Variants in PBXIP1 observed in about 807,000 individuals in gnomAD.
The protein encoded by PBXIP1 is pre-B-cell leukemia transcription factor-interacting protein 1.
PBXIP1 carries 73 observed loss-of-function variants against 73.7 expected under a neutral mutation model. The observed-to-expected ratio is 0.99, with a 90% CI of 0.82 to 1.20. PBXIP1 has a LOEUF of 1.20. Ranked by LOEUF, PBXIP1 falls within the 50% of genes most tolerant of loss-of-function variation. The pLI is 0.00. For synonymous variants in PBXIP1, 330 were observed against 366.9 expected (o/e 0.90, Z 1.15); for missense variants, 818 against 911.4 (o/e 0.90, Z 1.32).
At chr1:154,950,894 TAACC>T (rs1654985072) in intron 5 of PBXIP1, among the ~76,000 whole-genome samples, 1 of 152,206 alleles carries the variant, frequency 6.6e-6, no homozygotes, top group African/African-American at 2.4e-5. Context: ...ACATAGGCGG[TAACC>T]AACCATCTTC....
intron 7 of PBXIP1, 115 bp downstream of exon 7, chr1:154,947,867 T>G (rs1654882099): frequency 2.9e-6 from 4 of 1,371,964 alleles, no homozygotes; most frequent in Admixed American, 1.7e-5. Flanking sequence ...CCTGAACAGC[T>G]GACAAGGCCA....
Position 154,946,206 on chromosome 1 carries a change from A to G in PBXIP1, c.1468T>C (p.Trp490Arg), listed in dbSNP as rs780296483. Reference sequence around the variant, plus strand: ...CCAGATTCTTCCTTCTTATGTTTCCAGTGCTCAGCCTTCCGGTCTCTCTGC... The same window carrying G: ...CCAGATTCTTCCTTCTTATGTTTCCGGTGCTCAGCCTTCCGGTCTCTCTGC... ...DGQRDRKAEH[W>R]KHKKEESGRE... The change falls in exon 10 of 11, where the codon TGG becomes CGG. Residue 490 changes from tryptophan to arginine, a missense_variant. Transcript: ENST00000368463. The G allele has an allele frequency of 6.2e-7, 1 of 1,613,802 alleles. No individual in the cohort carries two copies. The highest frequency in any genetic ancestry group is 1.1e-5 in the South Asian group (1 of 91,058).
At chr1:154,953,547 G>A in intron 2 of PBXIP1, 124 bp downstream of exon 2, 1 of 638,022 alleles carries the variant, frequency 1.6e-6, no homozygotes. Context: ...TCCTCTAACA[G>A]CCAGCAGGAA....
rs1037047075 is a variant in PBXIP1, at chr1:154,947,814, C to T, written c.668-102G>A. Reference sequence around the variant, plus strand: ...GCCACCACTCCTGCTCAGGACCCACCCTGTGGCTGAGCGGTTTGGTGAGAT... The same window carrying T: ...GCCACCACTCCTGCTCAGGACCCACTCTGTGGCTGAGCGGTTTGGTGAGAT... On this transcript the variant is annotated intron_variant, in intron 7 of 10. Transcript: ENST00000368463. The T allele has an allele frequency of 3.5e-6, 5 of 1,417,730 alleles. No homozygotes were observed. In the Admixed American group the frequency reaches 5.2e-5, roughly 15 times the overall value. 87.8% of individuals were successfully genotyped at this position (1,417,730 alleles called of 1,614,324 possible). A position where few individuals can be genotyped will look rare whatever the true frequency, so the allele number is the denominator to read the frequency against.
At position 154,945,990 on chromosome 1, in the gene PBXIP1, C is replaced by T. The variant is rs761672762; in HGVS notation, c.1684G>A (p.Glu562Lys). Residue 562 changes from glutamate (E) to lysine (K), a missense_variant, in exon 10 of 11, where the codon GAA becomes AAA. Physicochemically the swap from Glu to Lys is moderately conservative, Grantham distance 56. Transcript: ENST00000368463. Reference sequence around the variant, plus strand: ...GGGTCATGGCTGTCCTTAGTCCCTTCCCTCCACCGAGGTTGCTTCTGCTTT... The same window carrying T: ...GGGTCATGGCTGTCCTTAGTCCCTTTCCTCCACCGAGGTTGCTTCTGCTTT... ...GEKQKQPRWR[E>K]GTKDSHDPLP... is the part of the protein sequence containing the mutation. 2 of 1,614,052 alleles carry T rather than the reference C, an allele frequency of 1.2e-6. No homozygotes were observed. Among genetic ancestry groups the T allele is most frequent in the East Asian group, 4.5e-5 (2 of 44,882 alleles).
chr1:154,952,339 CT>C (rs1252180903), intron 2 of PBXIP1, among the ~76,000 whole-genome samples: 3 of 152,260 alleles, frequency 2.0e-5, no homozygotes, highest in Admixed American at 2.0e-4. Flanking sequence ...TGCAGCTGCC[CT>C]CTCAACTGGA....
In PBXIP1 at chr1:154,948,199, T is replaced by C. The variant is rs1654892802; in HGVS notation, c.577A>G (p.Ile193Val). ...CCAAGGAGGCACATGTTGAGGGAGA[T>C]GCCCAGCTCCCCGCCTGCACCCTCA... ...GGEGAGGELG[I>V]SLNMCLLGAL... Residue 193 changes from isoleucine to valine, a missense_variant, in exon 6 of 11, where the codon ATC (isoleucine) becomes GTC (valine). By Grantham distance (29) the Ile-to-Val change is conservative. Coordinates refer to ENST00000368463, the MANE Select transcript of PBXIP1 (RefSeq NM_020524.4). The C allele has an allele frequency of 2.5e-6, 4 of 1,609,032 alleles. No individual in the cohort carries two copies. Among genetic ancestry groups the C allele is most frequent in the Non-Finnish European group, 3.4e-6 (4 of 1,177,170 alleles).
In PBXIP1 at chr1:154,947,081, A is replaced by G. The variant is rs1166431900; in HGVS notation, c.871-278T>C. Reference sequence around the variant, plus strand: ...TAAGGATAGCCAATGTGTGGCTCTCACAGTCTTATTTCCTGGAACAGTGTT... The same window carrying G: ...TAAGGATAGCCAATGTGTGGCTCTCGCAGTCTTATTTCCTGGAACAGTGTT... On this transcript the variant is annotated intron_variant, in intron 9 of 10. Transcript: ENST00000368463. 3 of 568,620 alleles carry G rather than the reference A, an allele frequency of 5.3e-6. No individual in the cohort carries two copies. In the East Asian group the frequency reaches 8.9e-5, roughly 17 times the overall value. The allele number at this position is 568,620 out of a possible 1,614,324, so 35.2% of individuals were successfully genotyped here.
At chr1:154,946,877 T>C in intron 9 of PBXIP1, 74 bp from the exon 10 acceptor site, 1 of 1,396,704 alleles carries the variant, frequency 7.2e-7, no homozygotes, top group East Asian at 2.4e-5. Context: ...TCTACCCCAA[T>C]TCCATTCTAT....
rs1654757187 is a variant in PBXIP1 at position 154,945,111 on chromosome 1, C to T, written c.2109G>A (p.Gly703=). 1 of 1,613,686 alleles carries T rather than the reference C, an allele frequency of 6.2e-7. No individual in the cohort carries two copies. The highest frequency in any genetic ancestry group is 2.2e-5 in the East Asian group (1 of 44,874). Residue 703 remains glycine, a synonymous_variant, in exon 11 of 11, where the codon GGG becomes GGA. Transcript: ENST00000368463. Reference sequence around the variant, plus strand: ...GGCTCTGTGAGTGCTTGTCCTTCTTCCCTGACCTGTGGGGAGGAAGAGGCC... The same window carrying T: ...GGCTCTGTGAGTGCTTGTCCTTCTTTCCTGACCTGTGGGGAGGAAGAGGCC... ...FGDKALKKRS[G]KKDKHSQSPR...
chr1:154,944,910 G>T lies in PBXIP1; in HGVS notation c.*114C>A. ...GGCTGGTGATTTTGCTCTACTGTGTGAAAGATATCTGAGGACACCAAACAA... is the reference window on the plus strand; with the variant it reads ...GGCTGGTGATTTTGCTCTACTGTGTTAAAGATATCTGAGGACACCAAACAA... On this transcript the variant is annotated 3_prime_UTR_variant, in exon 11 of 11. Coordinates refer to ENST00000368463, the MANE Select transcript of PBXIP1 (RefSeq NM_020524.4). 1 of 828,246 alleles carries T rather than the reference G, an allele frequency of 1.2e-6. No homozygotes were observed. The highest frequency in any genetic ancestry group is 2.0e-6 in the Non-Finnish European group (1 of 503,956). The allele number at this position is 828,246 out of a possible 1,614,324, so 51.3% of individuals were successfully genotyped here. A position where few individuals can be genotyped will look rare whatever the true frequency, so the allele number is the denominator to read the frequency against.
At position 154,951,573 on chromosome 1, in the gene PBXIP1, C is replaced by T. The variant is rs774244702; in HGVS notation, c.179-38G>A. ...AAAAGGCGCAGAAAAACCCACTGCC[C>T]CAGCTGAATTTCCTTTGCAGCCCTC... On this transcript the variant is annotated intron_variant, in intron 3 of 10. Coordinates refer to ENST00000368463, the MANE Select transcript of PBXIP1 (RefSeq NM_020524.4). This position sits in a 1 kb window ranked among gnomAD's most constrained non-coding sequence, Gnocchi z 4.3. 15 of 1,597,476 alleles carry T rather than the reference C, an allele frequency of 9.4e-6. No individual in the cohort carries two copies. The highest frequency in any genetic ancestry group is 1.3e-5 in the Non-Finnish European group (15 of 1,165,384).
chr1:154,952,156 C>G (rs1035495983), intron 2 of PBXIP1, among the ~76,000 whole-genome samples: 3 of 152,292 alleles, frequency 2.0e-5, no homozygotes, highest in Non-Finnish European at 4.4e-5. Flanking sequence ...AACCTGGTGC[C>G]CCGCCTCCAG....
rs1354269382 is a variant in PBXIP1 at position 154,951,375 on chromosome 1, C to T, written c.266G>A (p.Cys89Tyr). The stretch of plus-strand genomic sequence containing the variant: ...TCCTGGGCCAGGAGGCTCCACACCA[C>T]AAACATCACCTTCCAGGGTGCCCTA... ...EVKGTLEGDV[C>Y]GVEPPGPGDT... Residue 89 changes from cysteine to tyrosine, a missense_variant, in exon 5 of 11, where the codon TGT becomes TAT. Cys to Tyr is a radical substitution (Grantham distance 194, BLOSUM62 -2). Coordinates refer to ENST00000368463, the MANE Select transcript of PBXIP1 (RefSeq NM_020524.4). The surrounding 1 kb of genome is among the most constrained non-coding windows in gnomAD (Gnocchi z 4.3). 6.2e-7 allele frequency: 1 copy of T among 1,614,146 alleles called. No individual in the cohort carries two copies. Among genetic ancestry groups the T allele is most frequent in the South Asian group, 1.1e-5 (1 of 91,086 alleles).
chr1:154,945,973 G>T lies in PBXIP1; in HGVS notation c.1701C>A (p.Ser567Arg). Residue 567 changes from serine to arginine, a missense_variant, in exon 10 of 11, where the codon AGC becomes AGA. Ser to Arg is a moderately radical substitution (Grantham distance 110). Coordinates refer to ENST00000368463, the MANE Select transcript of PBXIP1 (RefSeq NM_020524.4). ...CTGCCCAGGATGGCAGGGGGTCATG[G>T]CTGTCCTTAGTCCCTTCCCTCCACC... ...QPRWREGTKDSHDPLPSWAEL... is the reference protein window; with the variant it reads ...QPRWREGTKDRHDPLPSWAEL... The T allele has an allele frequency of 6.2e-7, 1 of 1,614,030 alleles. No individual in the cohort carries two copies. The highest frequency in any genetic ancestry group is 8.5e-7 in the Non-Finnish European group (1 of 1,179,918).
chr1:154,953,871 A>T, intron 1 of PBXIP1, 114 bp from the exon 2 acceptor site: 2 of 630,792 alleles, frequency 3.2e-6, no homozygotes, highest in Admixed American at 5.5e-5. Context: ...CTCCAGAACC[A>T]AGCCTGGTTC....
chr1:154,955,620 T>G (rs1261629294), intron 1 of PBXIP1, among the ~76,000 whole-genome samples: 1 of 152,190 alleles, frequency 6.6e-6, no homozygotes, highest in East Asian at 1.9e-4. Flanking sequence ...ATCTCCACCC[T>G]TCCCTGCTGT....
chr1:154,945,816 T>C lies in PBXIP1; in HGVS notation c.1858A>G (p.Arg620Gly), dbSNP rs1432223108. 5 of 1,614,224 alleles carry C rather than the reference T, an allele frequency of 3.1e-6. No homozygotes were observed. Among genetic ancestry groups the C allele is most frequent in the Non-Finnish European group, 4.2e-6 (5 of 1,180,040 alleles). ...VRQQELASLLRTYLARLPWAG... is the reference protein window; with the variant it reads ...VRQQELASLLGTYLARLPWAG... ...CAGGGCAGCCGTGCCAAGTATGTTC[T>C]TAGCAGAGAGGCCAGCTCCTGTTGC... The change falls in exon 10 of 11, where the codon AGA (arginine) becomes GGA (glycine). Residue 620 changes from arginine to glycine, a missense_variant. By Grantham distance (125) the Arg-to-Gly change is moderately radical. Coordinates refer to ENST00000368463, the MANE Select transcript of PBXIP1 (RefSeq NM_020524.4).
At chr1:154,948,071 A>G in intron 6 of PBXIP1, 62 bp downstream of exon 6, 2 of 1,583,568 alleles carry the variant, frequency 1.3e-6, no homozygotes, top group Non-Finnish European at 1.7e-6. Context: ...TAAGGTGAGA[A>G]CATGGCAGGA....
Sources: gnomAD v4.1 joint callset for allele counts (sites outside exome capture counted in the v4.1 genomes callset) on GRCh38, gnomAD v4.1.1 for gene constraint, Gnocchi (gnomAD v3.1) non-coding constraint, MANE v1.5 for transcripts, NCBI Gene and HGNC (gene_info 2026-07-23, HGNC 2026-07-21) for gene names.